IFT74: variants seen among roughly 807,000 people sequenced by gnomAD.
IFT74 encodes the protein intraflagellar transport 74.
IFT74 carries 92 observed loss-of-function variants against 96.7 expected under a neutral mutation model. That is an observed-to-expected ratio of 0.95 (90% CI 0.80 to 1.13). The LOEUF (loss-of-function observed/expected upper bound fraction) is 1.13, where lower values mean the gene tolerates loss of function less well. Ranked by LOEUF, IFT74 falls within the 50% of genes most tolerant of loss-of-function variation. The pLI is 0.00. For missense variants in IFT74, 811 were observed against 698.2 expected, an observed-to-expected ratio of 1.16 and a Z score of -1.82; for synonymous variants, 223 against 213.2, an observed-to-expected ratio of 1.05 and a Z score of -0.40.
intron 2 of IFT74, chr9:26,976,566 G>A (rs1231827711): frequency 3.0e-6 from 1 of 335,570 alleles, no homozygotes; most frequent in Non-Finnish European, 5.8e-6. Flanking sequence ...AGAGGAGGAA[G>A]GGGTCATCTA....
At chr9:27,033,358 G>T (rs1029050945) in intron 13 of IFT74, among the ~76,000 whole-genome samples, 1 of 151,918 alleles carries the variant, frequency 6.6e-6, no homozygotes, top group Non-Finnish European at 1.5e-5. Flanking sequence ...AGAAGTTCGA[G>T]ACCAGCCTGG....
At chr9:27,059,420 G>A (rs1587431594) in intron 18 of IFT74, among the ~76,000 whole-genome samples, 1 of 152,174 alleles carries the variant, frequency 6.6e-6, no homozygotes, top group Non-Finnish European at 1.5e-5. Flanking sequence ...AATGTAAAAG[G>A]AATTTGACCA....
At chr9:27,051,847 T>G (rs897908030) in intron 16 of IFT74, among the ~76,000 whole-genome samples, 3 of 152,186 alleles carry the variant, frequency 2.0e-5, no homozygotes, top group Non-Finnish European at 4.4e-5. Flanking sequence ...CTTTTAGCTA[T>G]TGTGAATAAT....
chr9:26,960,770 G>A (rs1809188396), intron 1 of IFT74, among the ~76,000 whole-genome samples: 1 of 152,128 alleles, frequency 6.6e-6, no homozygotes, highest in South Asian at 2.1e-4. Flanking sequence ...CAATTAAGAT[G>A]TTTGAGGTGA....
chr9:27,017,367 A>C (rs1829398556), intron 11 of IFT74, among the ~76,000 whole-genome samples: 1 of 152,044 alleles, frequency 6.6e-6, no homozygotes, highest in Non-Finnish European at 1.5e-5. Flanking sequence ...GACTGCAGGC[A>C]TGTGCCAACA....
chr9:26,960,319 A>G (rs1487967406), intron 1 of IFT74, among the ~76,000 whole-genome samples: 1 of 151,782 alleles, frequency 6.6e-6, no homozygotes, highest in African/African-American at 2.4e-5. Context: ...CTTTTTCTCC[A>G]TATTCTTTGT....
chr9:27,022,584 A>G (rs1455092417), intron 12 of IFT74, among the ~76,000 whole-genome samples: 1 of 150,432 alleles, frequency 6.6e-6, no homozygotes, highest in East Asian at 1.9e-4. Flanking sequence ...GTATTGTATT[A>G]TATTTTGTTT....
chr9:26,965,033 C>G (rs941754454), intron 2 of IFT74, among the ~76,000 whole-genome samples: 2 of 152,030 alleles, frequency 1.3e-5, no homozygotes, highest in African/African-American at 4.8e-5. Flanking sequence ...GGGAAACAAC[C>G]TAGAAGACTT....
rs751270489 is a variant in IFT74, at chr9:27,056,376, G to A, written c.1540G>A (p.Ala514Thr). ...ERMILSTHRNAFKKIMEKQNI... is the reference protein window; with the variant it reads ...ERMILSTHRNTFKKIMEKQNI... The stretch of plus-strand genomic sequence containing the variant: ...AATGATATTATCAACCCACAGAAAT[G>A]CCTTTAAGAAAATAATGGAGAAGCA... The change falls in exon 18 of 20, where the codon GCC becomes ACC. Residue 514 changes from alanine (A) to threonine (T), a missense_variant. By Grantham distance (58) the Ala-to-Thr change is moderately conservative (BLOSUM62 0). Transcript: ENST00000380062. The A allele has an allele frequency of 6.3e-7, 1 of 1,593,438 alleles. No homozygotes were observed. Among genetic ancestry groups the A allele is most frequent in the Non-Finnish European group, 8.6e-7 (1 of 1,165,712 alleles).
At chr9:27,045,909 G>A (rs898399699) in intron 14 of IFT74, among the ~76,000 whole-genome samples, 8 of 152,084 alleles carry the variant, frequency 5.3e-5, no homozygotes, top group African/African-American at 1.9e-4. Context: ...GGAACAATGT[G>A]TCATGACACC....
intron 13 of IFT74, among the ~76,000 whole-genome samples, chr9:27,034,471 G>A (rs1193514078): frequency 6.6e-6 from 1 of 152,006 alleles, no homozygotes; most frequent in African/African-American, 2.4e-5. Flanking sequence ...CTTTAATTAT[G>A]GAGGGTAAAA....
upstream of IFT74, among the ~76,000 whole-genome samples, chr9:26,952,822 T>G (rs1825976908): frequency 6.6e-6 from 1 of 152,212 alleles, no homozygotes; most frequent in African/African-American, 2.4e-5. Flanking sequence ...AAGCTTTTCC[T>G]CTACCCTGTC....
At chr9:27,032,334 G>A (rs35305766) in intron 13 of IFT74, among the ~76,000 whole-genome samples, 29,767 of 152,004 alleles carry the variant, frequency 0.2, 3,820 homozygotes, top group Non-Finnish European at 0.27. Flanking sequence ...TTTTAGTGGG[G>A]TTTGCGGGAG....
At chr9:26,981,880 G>A (rs1827391723) in intron 4 of IFT74, among the ~76,000 whole-genome samples, 1 of 150,628 alleles carries the variant, frequency 6.6e-6, no homozygotes, top group Admixed American at 6.7e-5. Flanking sequence ...CTATTCTCCT[G>A]CCTCAGCCTC....
intron 8 of IFT74, among the ~76,000 whole-genome samples, chr9:27,002,942 T>C (rs1341749508): frequency 3.3e-5 from 5 of 152,204 alleles, no homozygotes; most frequent in Non-Finnish European, 7.3e-5. Context: ...CCATTTTTTT[T>C]TGTATCCTCT....
chr9:26,972,117 G>A (rs555814410), intron 2 of IFT74, among the ~76,000 whole-genome samples: 1 of 152,300 alleles, frequency 6.6e-6, no homozygotes, highest in South Asian at 2.1e-4. Flanking sequence ...ATCTAAACAT[G>A]TGTGCTCCCT....
At chr9:26,986,644 A>T (rs1218283061) in intron 6 of IFT74, among the ~76,000 whole-genome samples, 4 of 150,192 alleles carry the variant, frequency 2.7e-5, no homozygotes, top group Admixed American at 6.6e-5. Flanking sequence ...TTTTTTAGAG[A>T]TAGGGTCTTG....
rs151204352 is a variant in IFT74 at position 26,958,246 on chromosome 9, G to A, written c.-20+1730G>A. On this transcript the variant is annotated intron_variant, in intron 1 of 19. Coordinates refer to ENST00000380062, the MANE Select transcript of IFT74 (RefSeq NM_025103.4). ...ATACTTAAGCAGATCATTTCAAGTGGTGTGATAGGTTCTGGAATAAAGTAA... is the reference window on the plus strand; with the variant it reads ...ATACTTAAGCAGATCATTTCAAGTGATGTGATAGGTTCTGGAATAAAGTAA... 3.4e-3 allele frequency among the ~76,000 whole-genome samples: 513 copies of A among 152,282 alleles called. 4 individuals are homozygous for A. Among genetic ancestry groups the A allele is most frequent in the African/African-American group, 0.012 (500 of 41,542 alleles).
chr9:26,973,292 A>C (rs1001660959), intron 2 of IFT74, among the ~76,000 whole-genome samples: 5 of 152,144 alleles, frequency 3.3e-5, no homozygotes, highest in African/African-American at 1.2e-4. Flanking sequence ...GACCCATCTG[A>C]TTTCTTGACA....
Sources: allele counts gnomAD v4.1 joint callset (sites outside exome capture counted in the v4.1 genomes callset), GRCh38; gene constraint gnomAD v4.1.1; transcripts MANE v1.5; gene names NCBI Gene and HGNC (gene_info 2026-07-23, HGNC 2026-07-21).